The following GPM6A variants were observed in gnomAD, a reference collection of about 807,000 sequenced individuals.
GPM6A encodes the protein neuronal membrane glycoprotein M6-a.
A neutral mutation model predicts 32.1 loss-of-function variants in GPM6A; 7 were observed. That is an observed-to-expected ratio of 0.22 (90% CI 0.12 to 0.41). The LOEUF is 0.41. GPM6A is among the 10% of genes least tolerant of loss of function. The probability of loss-of-function intolerance (pLI) is 1.00; values close to 1 mark genes in which losing one functional copy is unlikely to be tolerated. For missense variants in GPM6A, 235 were observed against 347.2 expected (o/e 0.68, Z 2.57); for synonymous variants, 130 against 123.4 (o/e 1.05, Z -0.35).
At chr4:175,684,617 A>T (rs1472204809) in intron 2 of GPM6A, among the ~76,000 whole-genome samples, 2 of 152,340 alleles carry the variant, frequency 1.3e-5, no homozygotes, top group East Asian at 3.9e-4. Flanking sequence ...TTGTTCCAAC[A>T]TCATTTATTC....
At chr4:175,901,196 A>AG (rs1276871459) in intron 1 of GPM6A, among the ~76,000 whole-genome samples, 3 of 151,722 alleles carry the variant, frequency 2.0e-5, no homozygotes, top group African/African-American at 7.3e-5. Flanking sequence ...TACAAAAAAA[A>AG]TTAGAAAGAA....
chr4:175,668,443 G>A (rs1401457662), intron 3 of GPM6A, among the ~76,000 whole-genome samples: 2 of 150,896 alleles, frequency 1.3e-5, no homozygotes, highest in African/African-American at 2.4e-5. Flanking sequence ...AAAAAATGAT[G>A]TTGTCTTAAG....
At chr4:175,789,530 TCTC>T (rs1351465102) in intron 1 of GPM6A, among the ~76,000 whole-genome samples, 1 of 152,152 alleles carries the variant, frequency 6.6e-6, no homozygotes, top group Non-Finnish European at 1.5e-5. Context: ...GTCAATTCCT[TCTC>T]CTAGGCTAAA....
chr4:175,668,639 T>C (rs1742885362), intron 3 of GPM6A, among the ~76,000 whole-genome samples: 1 of 151,308 alleles, frequency 6.6e-6, no homozygotes, highest in African/African-American at 2.4e-5. Context: ...GAGCTAGTCA[T>C]CAAAAAGTCT....
chr4:175,908,166 CAA>C (rs1161827605), intron 1 of GPM6A, among the ~76,000 whole-genome samples: 5 of 152,120 alleles, frequency 3.3e-5, no homozygotes, highest in African/African-American at 1.2e-4. Flanking sequence ...GAAAACCTGT[CAA>C]GTCTCCATTT....
rs547999758 is a variant in GPM6A at position 175,843,572 on chromosome 4, G to A, written c.-22-31323C>T. On this transcript the variant is annotated intron_variant, in intron 1 of 7. Transcript: ENST00000280187. Reference sequence around the variant, plus strand: ...GAGCCATAAATCCTACTCTGAAGGAGTTTGGGACCCAGGCGAGCTTCATAG... The same window carrying A: ...GAGCCATAAATCCTACTCTGAAGGAATTTGGGACCCAGGCGAGCTTCATAG... Among the ~76,000 whole-genome samples, 71 of 152,314 alleles carry A rather than the reference G, an allele frequency of 4.7e-4. 2 individuals are homozygous for A. In the South Asian group the frequency reaches 8.3e-3, roughly 18 times the overall value.
chr4:175,636,080 T>C (rs983503821), intron 6 of GPM6A, among the ~76,000 whole-genome samples: 7 of 151,606 alleles, frequency 4.6e-5, no homozygotes, highest in African/African-American at 1.7e-4. Context: ...AACAAAATAA[T>C]TTTGACACGG....
intron 1 of GPM6A, among the ~76,000 whole-genome samples, chr4:175,747,526 T>G (rs1652251651): frequency 6.6e-6 from 1 of 152,220 alleles, no homozygotes; most frequent in Admixed American, 6.5e-5. Flanking sequence ...CACATATTTT[T>G]TGAGTTCTCA....
At chr4:175,891,976 C>CT (rs1737662624) in intron 1 of GPM6A, among the ~76,000 whole-genome samples, 1 of 152,186 alleles carries the variant, frequency 6.6e-6, no homozygotes, top group South Asian at 2.1e-4. Flanking sequence ...TTCAATGTGG[C>CT]TTTTGCCCGT....
intron 1 of GPM6A, among the ~76,000 whole-genome samples, chr4:175,772,817 A>G (rs1020767913): frequency 1.3e-5 from 2 of 152,136 alleles, no homozygotes; most frequent in Admixed American, 1.3e-4. Flanking sequence ...AAAGATACTC[A>G]TTACAGAGTA....
chr4:175,996,935 T>G (rs1351353394), intron 1 of GPM6A, among the ~76,000 whole-genome samples: 5 of 152,050 alleles, frequency 3.3e-5, no homozygotes, highest in African/African-American at 1.2e-4. Flanking sequence ...CATAAGAATC[T>G]TTGCAGCTTC....
At chr4:175,763,093 A>T (rs1041547944) in intron 1 of GPM6A, among the ~76,000 whole-genome samples, 1 of 152,228 alleles carries the variant, frequency 6.6e-6, no homozygotes, top group Non-Finnish European at 1.5e-5. Flanking sequence ...TAAAGTTGTT[A>T]AAAAATAGAT....
chr4:175,637,284 T>C (rs1740734959), intron 6 of GPM6A, among the ~76,000 whole-genome samples: 1 of 68,750 alleles, frequency 1.5e-5, no homozygotes, highest in Non-Finnish European at 2.5e-5. Flanking sequence ...TTATATATTA[T>C]ATAAAATATA....
chr4:175,959,180 AAAGT>A (rs1740086245), intron 1 of GPM6A, among the ~76,000 whole-genome samples: 1 of 152,170 alleles, frequency 6.6e-6, no homozygotes, highest in African/African-American at 2.4e-5. Flanking sequence ...AACAATTATA[AAAGT>A]AACTATCCTC....
intron 1 of GPM6A, among the ~76,000 whole-genome samples, chr4:175,958,867 C>T (rs1376153777): frequency 6.6e-6 from 1 of 152,224 alleles, no homozygotes; most frequent in Non-Finnish European, 1.5e-5. Context: ...GATCCATTTC[C>T]ATTCCCACCA....
At chr4:175,679,109 G>A (rs1421508574) in intron 2 of GPM6A, among the ~76,000 whole-genome samples, 6 of 151,950 alleles carry the variant, frequency 3.9e-5, no homozygotes, top group Non-Finnish European at 7.4e-5. Flanking sequence ...GCCTGATACC[G>A]GAGCCAATCT....
At chr4:175,742,910 G>A (rs1170511274) in intron 1 of GPM6A, among the ~76,000 whole-genome samples, 7 of 152,020 alleles carry the variant, frequency 4.6e-5, no homozygotes, top group Non-Finnish European at 1.0e-4. Context: ...ACTTAGGTAG[G>A]CAGATGTGGG....
At chr4:175,676,179 C>G (rs1167675440) in intron 2 of GPM6A, among the ~76,000 whole-genome samples, 1 of 152,114 alleles carries the variant, frequency 6.6e-6, no homozygotes, top group Non-Finnish European at 1.5e-5. Flanking sequence ...TGAGGCCTCT[C>G]CAGTTGGCTG....
chr4:175,867,817 G>A lies in GPM6A; in HGVS notation c.-22-55568C>T, dbSNP rs567390579. ...ATGAAAGGCTACAGCCGATTGAAGT[G>A]GGGTATTTCCCTTCCCCCAGATCAG... On this transcript the variant is annotated intron_variant, in intron 1 of 7. Transcript: ENST00000280187. Among the ~76,000 whole-genome samples the A allele has an allele frequency of 2.6e-5, 4 of 152,218 alleles. No homozygotes were observed. In the South Asian group the frequency reaches 6.2e-4, roughly 24 times the overall value.
Sources: allele counts gnomAD v4.1 joint callset (sites outside exome capture counted in the v4.1 genomes callset), GRCh38; gene constraint gnomAD v4.1.1; transcripts MANE v1.5; gene names NCBI Gene and HGNC (gene_info 2026-07-23, HGNC 2026-07-21).